The following TBCK variants were observed in gnomAD, a reference collection of about 807,000 sequenced individuals.
TBCK encodes the protein TBC domain-containing protein kinase-like protein.
A neutral mutation model predicts 113.4 loss-of-function variants in TBCK; 99 were observed. That is an observed-to-expected ratio of 0.87 (90% confidence interval 0.74 to 1.03). TBCK has a LOEUF of 1.03. Among genes scored for constraint, TBCK ranks in the 50% least tolerant of loss-of-function variants. The probability of loss-of-function intolerance (pLI) is 0.00; values close to 1 mark genes in which losing one functional copy is unlikely to be tolerated. For missense variants in TBCK, 1,045 were observed against 1,061.3 expected (o/e 0.98, Z 0.21); for synonymous variants, 369 against 370.8 (o/e 1.00, Z 0.05).
Position 106,171,856 on chromosome 4 carries a change from A to T in TBCK, c.2060-586T>A, listed in dbSNP as rs558534096. 5.9e-5 allele frequency among the ~76,000 whole-genome samples: 9 copies of T among 152,090 alleles called. No individual in the cohort carries two copies. In the South Asian group the frequency reaches 1.7e-3, roughly 28 times the overall value. On this transcript the variant is annotated intron_variant, in intron 22 of 25. Coordinates refer to ENST00000394708, the MANE Select transcript of TBCK (RefSeq NM_001163435.3). Reference sequence around the variant, plus strand: ...TTTTTTTTTCCTGTTTTTGAGATAGAGTCTTGTTCTGTCTCCTAGGCTGGA... The same window carrying T: ...TTTTTTTTTCCTGTTTTTGAGATAGTGTCTTGTTCTGTCTCCTAGGCTGGA...
intron 25 of TBCK, among the ~76,000 whole-genome samples, chr4:106,082,758 C>G (rs1488998402): frequency 6.6e-6 from 1 of 152,070 alleles, no homozygotes; most frequent in African/African-American, 2.4e-5. Flanking sequence ...CACTGGCAAC[C>G]AAGGTATCCA....
chr4:106,300,366 A>G (rs1476160534), intron 2 of TBCK, among the ~76,000 whole-genome samples: 1 of 152,208 alleles, frequency 6.6e-6, no homozygotes, highest in Non-Finnish European at 1.5e-5. Flanking sequence ...AATAAGGAGT[A>G]GGGGGAAGTA....
At chr4:106,087,551 T>A (rs576153180) in intron 25 of TBCK, among the ~76,000 whole-genome samples, 4 of 152,292 alleles carry the variant, frequency 2.6e-5, no homozygotes, top group Admixed American at 2.6e-4. Context: ...ACACTACCAG[T>A]GACATTCTTC....
chr4:106,127,393 C>T (rs576277947), intron 23 of TBCK, among the ~76,000 whole-genome samples: 4 of 152,084 alleles, frequency 2.6e-5, no homozygotes, highest in African/African-American at 4.8e-5. Context: ...TGTAAATGGA[C>T]TGAGTGCGTG....
chr4:106,201,272 G>A (rs978446803), intron 20 of TBCK, among the ~76,000 whole-genome samples: 28 of 151,474 alleles, frequency 1.8e-4, no homozygotes, highest in Admixed American at 3.9e-4. Flanking sequence ...TATTTCTCCC[G>A]TTTAAAATAT....
Position 106,116,269 on chromosome 4 carries a change from G to C in TBCK, c.2345C>G (p.Thr782Arg). Reference protein sequence around the residue: ...CELTVTGHFKTPSKKTKSSKP... With the variant: ...CELTVTGHFKRPSKKTKSSKP... ...ACTGGACTTTGTTTTCTTGCTGGGT[G>C]TTTTGAAGTGGCCTGTCACTGTGAG... is the stretch of plus-strand genomic sequence containing the variant. The change falls in exon 24 of 26, where the codon ACA becomes AGA. Residue 782 changes from threonine to arginine, a missense_variant. Physicochemically the swap from Thr to Arg is moderately conservative, Grantham distance 71 (BLOSUM62 -1). Transcript: ENST00000394708. 2 of 1,613,936 alleles carry C rather than the reference G, an allele frequency of 1.2e-6. No homozygotes were observed. The highest frequency in any genetic ancestry group is 1.7e-6 in the Non-Finnish European group (2 of 1,179,996).
intron 23 of TBCK, among the ~76,000 whole-genome samples, chr4:106,166,681 T>C (rs1750407485): frequency 6.6e-6 from 1 of 151,680 alleles, no homozygotes; most frequent in South Asian, 2.1e-4. Context: ...GCATAAATTT[T>C]TTTAAAAACT....
At chr4:106,296,640 A>C (rs998053080) in intron 2 of TBCK, among the ~76,000 whole-genome samples, 1 of 152,130 alleles carries the variant, frequency 6.6e-6, no homozygotes, top group African/African-American at 2.4e-5. Context: ...TGTCTAGTGA[A>C]ATGGGATTAT....
At chr4:106,134,024 A>C (rs1278374366) in intron 23 of TBCK, among the ~76,000 whole-genome samples, 1 of 126,102 alleles carries the variant, frequency 7.9e-6, no homozygotes, top group Non-Finnish European at 1.7e-5. Flanking sequence ...CAAAAACAAA[A>C]ACAAAAAAAA....
chr4:106,195,116 GA>G (rs1754068467), intron 20 of TBCK, among the ~76,000 whole-genome samples: 1 of 152,022 alleles, frequency 6.6e-6, no homozygotes, highest in Non-Finnish European at 1.5e-5. Context: ...TGGAGTGTCT[GA>G]ACCTCTTCTG....
intron 3 of TBCK, among the ~76,000 whole-genome samples, chr4:106,266,305 G>T (rs938493197): frequency 1.2e-4 from 18 of 151,766 alleles, no homozygotes; most frequent in Admixed American, 1.1e-3. Context: ...CAATTTTAGA[G>T]TAGCTTCTCT....
chr4:106,227,567 C>A (rs1302250825), intron 19 of TBCK, among the ~76,000 whole-genome samples: 1 of 151,836 alleles, frequency 6.6e-6, no homozygotes, highest in Non-Finnish European at 1.5e-5. Context: ...TTTGATGAAT[C>A]AGATACAACA....
rs1005744488 is a variant in TBCK at position 106,193,779 on chromosome 4, C to T, written c.1898-9G>A. The T allele has an allele frequency of 2.3e-5, 35 of 1,509,616 alleles. No individual in the cohort carries two copies. The highest frequency in any genetic ancestry group is 1.1e-4 in the African/African-American group (8 of 70,482). 93.5% of individuals were successfully genotyped at this position (1,509,616 alleles called of 1,614,324 possible). Reference sequence around the variant, plus strand: ...GTGTAGTGGAAATACATCTGTAAAACGATAAAAATACAAATAAATTAAAAA... The same window carrying T: ...GTGTAGTGGAAATACATCTGTAAAATGATAAAAATACAAATAAATTAAAAA... On this transcript the variant is annotated splice_polypyrimidine_tract_variant and intron_variant, in intron 21 of 25. Coordinates refer to ENST00000394708, the MANE Select transcript of TBCK (RefSeq NM_001163435.3).
intron 4 of TBCK, 33 bp from the exon 5 acceptor site, chr4:106,260,543 T>C (rs781586603): frequency 5.8e-5 from 37 of 636,314 alleles, no homozygotes; most frequent in Non-Finnish European, 8.1e-5. Flanking sequence ...CACTATCAAA[T>C]AATTTATTAT....
intron 11 of TBCK, among the ~76,000 whole-genome samples, chr4:106,242,967 G>GT (rs1430232841): frequency 1.3e-5 from 2 of 149,112 alleles, no homozygotes; most frequent in Non-Finnish European, 3.0e-5. Context: ...GCGGTGTTTG[G>GT]TTTTTTGTTC....
intron 22 of TBCK, among the ~76,000 whole-genome samples, chr4:106,175,958 G>T (rs960877755): frequency 1.3e-5 from 2 of 151,998 alleles, no homozygotes; most frequent in Non-Finnish European, 2.9e-5. Context: ...TTTGACTAGG[G>T]TCCAAACTTT....
intron 19 of TBCK, among the ~76,000 whole-genome samples, chr4:106,229,098 T>A (rs1758562492): frequency 6.6e-6 from 1 of 151,968 alleles, no homozygotes; most frequent in South Asian, 2.1e-4. Context: ...GATTATTAGA[T>A]TTTTTTTCTA....
intron 14 of TBCK, 38 bp from the exon 15 acceptor site, chr4:106,235,405 A>G: frequency 2.2e-6 from 3 of 1,392,068 alleles, no homozygotes; most frequent in Non-Finnish European, 3.0e-6. Flanking sequence ...GTCTCAAATT[A>G]CCTAGTGCCA....
chr4:106,098,828 A>G (rs1741230567), intron 24 of TBCK, among the ~76,000 whole-genome samples: 2 of 152,030 alleles, frequency 1.3e-5, no homozygotes, highest in South Asian at 4.1e-4. Flanking sequence ...CTCCCTGCAA[A>G]TAAGCCATTC....
Sources: gnomAD v4.1 joint callset for allele counts (sites outside exome capture counted in the v4.1 genomes callset) on GRCh38, gnomAD v4.1.1 for gene constraint, MANE v1.5 for transcripts, NCBI Gene and HGNC (gene_info 2026-07-23, HGNC 2026-07-21) for gene names.